MDH1: variants seen among roughly 807,000 people sequenced by gnomAD.
MDH1 encodes the protein malate dehydrogenase, cytoplasmic.
A neutral mutation model predicts 38.7 loss-of-function variants in MDH1; 15 were observed. The observed-to-expected ratio is 0.39, with a 90% confidence interval of 0.26 to 0.60. The LOEUF is 0.60. Ranked by LOEUF, MDH1 falls within the 20% of genes least tolerant of loss-of-function variation. MDH1 has a pLI of 0.56. For synonymous variants in MDH1, 144 were observed against 143.6 expected (o/e 1.00, Z -0.02); for missense variants, 368 against 405.2 (o/e 0.91, Z 0.79).
intron 1 of MDH1, chr2:63,593,764 A>G (rs1709248066): frequency 4.4e-6 from 2 of 451,690 alleles, no homozygotes; most frequent in African/African-American, 2.0e-5. Context: ...GTTCTTTTTA[A>G]TAGATATATT....
In MDH1 at chr2:63,604,550, C is replaced by T; in HGVS notation, c.499-146C>T. On this transcript the variant is annotated intron_variant, in intron 5 of 8. Coordinates refer to ENST00000233114, the MANE Select transcript of MDH1 (RefSeq NM_005917.4). ...AGGAAATTGCCAAGCAATAAATTTA[C>T]ATTTTTTACAAGTCAATATAACTCT... The T allele has an allele frequency of 4.5e-6, 3 of 673,676 alleles. No individual in the cohort carries two copies. The South Asian group carries it at 6.1e-5, about 14-fold the overall frequency. 41.7% of individuals were successfully genotyped at this position (673,676 alleles called of 1,614,324 possible).
intron 5 of MDH1, among the ~76,000 whole-genome samples, chr2:63,604,072 A>G (rs529270072): frequency 9.9e-5 from 15 of 152,188 alleles, no homozygotes; most frequent in Non-Finnish European, 1.9e-4. Flanking sequence ...CATATGTTAT[A>G]ATTTTAGAGT....
intron 3 of MDH1, among the ~76,000 whole-genome samples, chr2:63,596,543 G>A (rs1237847215): frequency 2.0e-5 from 3 of 152,288 alleles, no homozygotes; most frequent in South Asian, 4.1e-4. Context: ...TGCCAGATAT[G>A]AATATGACAG....
At position 63,595,165 on chromosome 2, in the gene MDH1, G is replaced by GT. The variant is rs566889952; in HGVS notation, c.103-251dup. The stretch of plus-strand genomic sequence containing the variant: ...GCTATAGCATGTCACTCAGTTTAAT[G>GT]TTTTTTTCATATACTGTTAAAATTG... On this transcript the variant is annotated intron_variant, in intron 2 of 8. Transcript: ENST00000233114. Among the ~76,000 whole-genome samples the GT allele has an allele frequency of 6.6e-5, 10 of 152,162 alleles. No individual in the cohort carries two copies. In the South Asian group the frequency reaches 8.3e-4, roughly 13 times the overall value.
intron 5 of MDH1, among the ~76,000 whole-genome samples, chr2:63,602,428 C>G (rs1395510143): frequency 6.8e-6 from 1 of 146,872 alleles, no homozygotes; most frequent in Non-Finnish European, 1.5e-5. Flanking sequence ...ACAGAGAAGG[C>G]CCATGTACCC....
rs1709395973 is a variant in MDH1 at position 63,600,387 on chromosome 2, A to C, written c.498+1095A>C. ...CCTGCTCAGAGTCATACAGCTCATA[A>C]ATTACGGAGCCACCTTGATTTGCCT... is the stretch of plus-strand genomic sequence containing the variant. On this transcript the variant is annotated intron_variant, in intron 5 of 8. Transcript: ENST00000233114. Among the ~76,000 whole-genome samples, 3 of 152,146 alleles carry C rather than the reference A, an allele frequency of 2.0e-5. No individual in the cohort carries two copies. In the South Asian group the frequency reaches 6.2e-4, roughly 32 times the overall value.
At chr2:63,603,015 A>C (rs1709457506) in intron 5 of MDH1, among the ~76,000 whole-genome samples, 2 of 136,182 alleles carry the variant, frequency 1.5e-5, no homozygotes, top group South Asian at 4.8e-4. Flanking sequence ...GCTGGAGTGC[A>C]ATGGCACGAT....
At position 63,597,513 on chromosome 2, in the gene MDH1, A is replaced by G; in HGVS notation, c.314A>G (p.Asn105Ser). 6.6e-7 allele frequency: 1 copy of G among 1,511,712 alleles called. No homozygotes were observed. Among genetic ancestry groups the G allele is most frequent in the Non-Finnish European group, 8.9e-7 (1 of 1,121,588 alleles). The allele number at this position is 1,511,712 out of a possible 1,614,324, so 93.6% of individuals were successfully genotyped here. A position where few individuals can be genotyped will look rare whatever the true frequency, so the allele number is the denominator to read the frequency against. ...GAGAGAAAAGATTTACTGAAAGCAA[A>G]TGTGAAAATCTTCAAATCCCAGGGT... The part of the protein sequence containing the change: ...GMERKDLLKA[N>S]VKIFKSQGAA... Residue 105 changes from asparagine (N) to serine (S), a missense_variant, in exon 4 of 9, where the codon AAT (asparagine) becomes AGT (serine). Physicochemically the swap from Asn to Ser is conservative, Grantham distance 46 (BLOSUM62 1). Transcript: ENST00000233114.
At chr2:63,596,208 T>G (rs893060733) in intron 3 of MDH1, among the ~76,000 whole-genome samples, 1 of 152,220 alleles carries the variant, frequency 6.6e-6, no homozygotes, top group Non-Finnish European at 1.5e-5. Context: ...TCATAGTCTT[T>G]CTTTTGGTAA....
At position 63,599,303 on chromosome 2, in the gene MDH1, T is replaced by C. The variant is rs1167932966; in HGVS notation, c.498+11T>C. 1 of 1,607,008 alleles carries C rather than the reference T, an allele frequency of 6.2e-7. No homozygotes were observed. The highest frequency in any genetic ancestry group is 1.7e-5 in the Admixed American group (1 of 59,106). On this transcript the variant is annotated intron_variant, in intron 5 of 8. Transcript: ENST00000233114. ...CGAGCTAAAGCTCAAGTAAGAAAAA[T>C]ATATTTTAAATCTTGTGGTTGTTCA... is the stretch of plus-strand genomic sequence containing the variant.
intron 5 of MDH1, among the ~76,000 whole-genome samples, chr2:63,602,852 G>C (rs1336989568): frequency 3.4e-5 from 5 of 147,596 alleles, no homozygotes; most frequent in Non-Finnish European, 7.6e-5. Flanking sequence ...GTTGTTGTTT[G>C]TTTCTTTTTG....
intron 1 of MDH1, chr2:63,593,704 T>G: frequency 2.1e-6 from 1 of 471,284 alleles, no homozygotes; most frequent in South Asian, 1.5e-5. Flanking sequence ...TTAACTGAAT[T>G]TTTCTGTCTA....
chr2:63,592,066 C>T (rs1709210143), intron 1 of MDH1, among the ~76,000 whole-genome samples: 1 of 152,122 alleles, frequency 6.6e-6, no homozygotes, highest in African/African-American at 2.4e-5. Flanking sequence ...CTTCTCTAGC[C>T]CCCTGTTTTA....
chr2:63,605,252 C>T, intron 6 of MDH1, 28 bp from the exon 7 acceptor site: 2 of 1,460,786 alleles, frequency 1.4e-6, no homozygotes, highest in Non-Finnish European at 1.9e-6. Flanking sequence ...CCAAGTAATA[C>T]TGCTGCCTTC....
intron 4 of MDH1, chr2:63,597,830 A>G (rs895438285): frequency 1.6e-5 from 4 of 244,344 alleles, no homozygotes; most frequent in Admixed American, 5.5e-5. Flanking sequence ...GTTCTTAAAC[A>G]TATAGAGAAG....
chr2:63,589,778 AAG>A (rs1297938118), intron 1 of MDH1, among the ~76,000 whole-genome samples: 2 of 152,162 alleles, frequency 1.3e-5, no homozygotes, highest in Non-Finnish European at 2.9e-5. Context: ...TCTCTGCTGA[AAG>A]AGAGGGGGAG....
At chr2:63,600,819 G>T (rs888849285) in intron 5 of MDH1, among the ~76,000 whole-genome samples, 1 of 152,076 alleles carries the variant, frequency 6.6e-6, no homozygotes, top group Non-Finnish European at 1.5e-5. Flanking sequence ...GAGTTCTGTG[G>T]GACAGTTGTA....
Position 63,599,302 on chromosome 2 carries a change from A to C in MDH1, c.498+10A>C, listed in dbSNP as rs1344397553. On this transcript the variant is annotated intron_variant, in intron 5 of 8. Coordinates refer to ENST00000233114, the MANE Select transcript of MDH1 (RefSeq NM_005917.4). ...CCGAGCTAAAGCTCAAGTAAGAAAA[A>C]TATATTTTAAATCTTGTGGTTGTTC... 6.2e-7 allele frequency: 1 copy of C among 1,607,198 alleles called. No homozygotes were observed. The highest frequency in any genetic ancestry group is 8.5e-7 in the Non-Finnish European group (1 of 1,176,760).
At chr2:63,589,104 T>A in intron 1 of MDH1, 58 bp downstream of exon 1, 1 of 1,614,152 alleles carries the variant, frequency 6.2e-7, no homozygotes, top group Non-Finnish European at 8.5e-7. Flanking sequence ...TGAGTGGGGT[T>A]TCTTGCACTT....
Sources: gnomAD v4.1 joint callset for allele counts (sites outside exome capture counted in the v4.1 genomes callset) on GRCh38, gnomAD v4.1.1 for gene constraint, MANE v1.5 for transcripts, NCBI Gene and HGNC (gene_info 2026-07-23, HGNC 2026-07-21) for gene names.